Variants in ARHGAP10 observed in about 807,000 individuals in gnomAD.
ARHGAP10 encodes rho GTPase-activating protein 10.
ARHGAP10 carries 87 observed loss-of-function variants against 108.6 expected under a neutral mutation model. The ratio of observed to expected loss-of-function variants is 0.80; its 90% CI spans 0.67 to 0.96. The LOEUF (loss-of-function observed/expected upper bound fraction) is 0.96, where lower values mean the gene tolerates loss of function less well. Ranked by LOEUF, ARHGAP10 falls within the 40% of genes least tolerant of loss-of-function variation. The probability of loss-of-function intolerance (pLI) is 0.00; values close to 1 mark genes in which losing one functional copy is unlikely to be tolerated. For synonymous variants in ARHGAP10, 347 were observed against 341.1 expected, an observed-to-expected ratio of 1.02 and a Z score of -0.19; for missense variants, 939 against 954.5, an observed-to-expected ratio of 0.98 and a Z score of 0.21.
chr4:148,038,761 A>G (rs762316008), intron 19 of ARHGAP10, among the ~76,000 whole-genome samples: 1 of 152,202 alleles, frequency 6.6e-6, no homozygotes, highest in Non-Finnish European at 1.5e-5. Flanking sequence ...CATGAGGTGG[A>G]TGTTAATTGG....
At chr4:147,950,364 C>G (rs1275519044) in intron 15 of ARHGAP10, among the ~76,000 whole-genome samples, 1 of 152,170 alleles carries the variant, frequency 6.6e-6, no homozygotes, top group African/African-American at 2.4e-5. Context: ...GTATTTCTTT[C>G]TGCATGAGAG....
chr4:147,881,714 G>A (rs1735334225), intron 9 of ARHGAP10, 124 bp from the exon 10 acceptor site: 1 of 696,080 alleles, frequency 1.4e-6, no homozygotes. Context: ...GTTTGAAAGA[G>A]GATAGGGTAA....
chr4:148,039,854 A>G (rs919337679), intron 19 of ARHGAP10, among the ~76,000 whole-genome samples: 24 of 152,068 alleles, frequency 1.6e-4, no homozygotes, highest in African/African-American at 5.6e-4. Context: ...TATTATTTAA[A>G]TATTTCCTCC....
intron 1 of ARHGAP10, among the ~76,000 whole-genome samples, chr4:147,798,779 CTCTATATATATATATATATATATA>C (rs1731451957): frequency 2.8e-4 from 1 of 3,530 alleles, no homozygotes; most frequent in African/African-American, 4.1e-4. Flanking sequence ...CTCTCTCTCT[CTCTATATATATATATATATATATA>C]TATATATATA....
intron 20 of ARHGAP10, among the ~76,000 whole-genome samples, chr4:148,048,851 C>T (rs1241843840): frequency 6.6e-6 from 1 of 152,024 alleles, no homozygotes; most frequent in Non-Finnish European, 1.5e-5. Flanking sequence ...GAGTGAATTC[C>T]CCAGCTTCCT....
chr4:148,061,150 T>G (rs936616255), intron 20 of ARHGAP10, among the ~76,000 whole-genome samples: 19 of 151,988 alleles, frequency 1.3e-4, no homozygotes. Flanking sequence ...CCTATAAAAT[T>G]TATGCTCTTT....
intron 1 of ARHGAP10, among the ~76,000 whole-genome samples, chr4:147,738,086 G>A (rs1728492707): frequency 6.6e-6 from 1 of 151,702 alleles, no homozygotes. Flanking sequence ...AGAGAGGAGG[G>A]TATTTTTGTG....
intron 19 of ARHGAP10, among the ~76,000 whole-genome samples, chr4:148,043,652 T>C (rs1399177320): frequency 9.0e-6 from 1 of 111,670 alleles, no homozygotes; most frequent in Non-Finnish European, 1.9e-5. Flanking sequence ...TATATATATA[T>C]TTTAGGTGTA....
chr4:147,879,539 G>A (rs1455121579), intron 9 of ARHGAP10, among the ~76,000 whole-genome samples: 1 of 152,022 alleles, frequency 6.6e-6, no homozygotes, highest in Non-Finnish European at 1.5e-5. Context: ...ACATGCATGG[G>A]TTTTAAACCA....
At position 147,764,979 on chromosome 4, in the gene ARHGAP10, T is replaced by C. The variant is rs111426389; in HGVS notation, c.154+32524T>C. Among the ~76,000 whole-genome samples, 67 of 152,340 alleles carry C rather than the reference T, an allele frequency of 4.4e-4. 1 individual carries two copies. Among genetic ancestry groups the C allele is most frequent in the African/African-American group, 1.5e-3 (64 of 41,586 alleles). The stretch of plus-strand genomic sequence containing the variant: ...GAGAAATAAAAGTAGGAGCTGCTTT[T>C]CCACAAAAATGCCCAAGTACAAGTA... On this transcript the variant is annotated intron_variant, in intron 1 of 22. Transcript: ENST00000336498.
intron 3 of ARHGAP10, among the ~76,000 whole-genome samples, chr4:147,829,657 C>T (rs536303919): frequency 6.6e-6 from 1 of 152,236 alleles, no homozygotes; most frequent in South Asian, 2.1e-4. Context: ...TGTGTTGCTG[C>T]CAGAATTCCA....
chr4:147,752,072 A>T (rs570723542), intron 1 of ARHGAP10, among the ~76,000 whole-genome samples: 1 of 152,022 alleles, frequency 6.6e-6, no homozygotes, highest in Non-Finnish European at 1.5e-5. Context: ...TTTAGTAGAG[A>T]CAGGGTTTCA....
chr4:147,777,862 A>G (rs1237906763), intron 1 of ARHGAP10, among the ~76,000 whole-genome samples: 1 of 152,194 alleles, frequency 6.6e-6, no homozygotes, highest in African/African-American at 2.4e-5. Context: ...GTTTTTAATA[A>G]TCCAAGTTTC....
intron 10 of ARHGAP10, among the ~76,000 whole-genome samples, chr4:147,902,468 C>T (rs1250313903): frequency 2.6e-5 from 4 of 152,128 alleles, no homozygotes; most frequent in Admixed American, 1.3e-4. Flanking sequence ...TGGCTCATGC[C>T]TGTAATCCCA....
chr4:147,842,017 C>G (rs564453836), intron 3 of ARHGAP10, among the ~76,000 whole-genome samples: 1 of 152,282 alleles, frequency 6.6e-6, no homozygotes, highest in South Asian at 2.1e-4. Context: ...ACTGCAACCA[C>G]TGCCTTCTGG....
chr4:147,803,271 A>T (rs2126763065), intron 1 of ARHGAP10, among the ~76,000 whole-genome samples: 1 of 152,318 alleles, frequency 6.6e-6, no homozygotes, highest in Non-Finnish European at 1.5e-5. Context: ...GGCCTCCCAA[A>T]GTGCTGGGAT....
At chr4:147,970,649 T>G (rs1349254465) in intron 18 of ARHGAP10, among the ~76,000 whole-genome samples, 1 of 152,190 alleles carries the variant, frequency 6.6e-6, no homozygotes, top group Admixed American at 6.5e-5. Context: ...GCAAGATTGC[T>G]CTAGATGAAT....
intron 1 of ARHGAP10, among the ~76,000 whole-genome samples, chr4:147,741,392 G>C (rs1314500554): frequency 6.6e-6 from 1 of 152,098 alleles, no homozygotes; most frequent in Non-Finnish European, 1.5e-5. Flanking sequence ...TATGAGAACT[G>C]GTTTGAGTCA....
intron 1 of ARHGAP10, among the ~76,000 whole-genome samples, chr4:147,751,995 C>T (rs530988267): frequency 6.6e-6 from 1 of 151,470 alleles, no homozygotes; most frequent in Non-Finnish European, 1.5e-5. Context: ...AAGCAATTCT[C>T]CTGCCTCAGC....
Sources: allele counts gnomAD v4.1 joint callset (sites outside exome capture counted in the v4.1 genomes callset), GRCh38; gene constraint gnomAD v4.1.1; transcripts MANE v1.5; gene names NCBI Gene and HGNC (gene_info 2026-07-23, HGNC 2026-07-21).